Variants in SOBP observed in about 807,000 individuals in gnomAD.
The protein encoded by SOBP is sine oculis binding protein homolog.
SOBP carries 4 observed loss-of-function variants against 53.6 expected under a neutral mutation model. That is an observed-to-expected ratio of 0.07 (90% CI 0.04 to 0.17). The LOEUF (loss-of-function observed/expected upper bound fraction) is 0.17, where lower values mean the gene tolerates loss of function less well. Ranked by LOEUF, SOBP falls within the 10% of genes least tolerant of loss-of-function variation. The probability of loss-of-function intolerance (pLI) is 1.00; values close to 1 mark genes in which losing one functional copy is unlikely to be tolerated. For missense variants in SOBP, 1,088 were observed against 1,204.7 expected (o/e 0.90, Z 1.43); for synonymous variants, 584 against 522.6 (o/e 1.12, Z -1.60).
At chr6:107,508,744 T>C (rs913710356) in intron 3 of SOBP, among the ~76,000 whole-genome samples, 28 of 152,220 alleles carry the variant, frequency 1.8e-4, no homozygotes, top group Non-Finnish European at 3.5e-4. Context: ...CTTTGGTTGA[T>C]TGTTTTGTGA....
chr6:107,514,791 GT>G (rs1319521622), intron 3 of SOBP: 13 of 152,144 alleles, frequency 8.5e-5, no homozygotes, highest in African/African-American at 3.1e-4. Context: ...GACTTGTATG[GT>G]TAGTTGCTCT....
chr6:107,610,014 T>C (rs909244727), intron 5 of SOBP, among the ~76,000 whole-genome samples: 15 of 152,164 alleles, frequency 9.9e-5, no homozygotes, highest in African/African-American at 3.6e-4. Flanking sequence ...GCCCACTTCA[T>C]AGGAGCTCAT....
chr6:107,557,328 T>C (rs1036255600), intron 4 of SOBP, among the ~76,000 whole-genome samples: 1 of 152,224 alleles, frequency 6.6e-6, no homozygotes, highest in African/African-American at 2.4e-5. Flanking sequence ...AAAGATACAT[T>C]TTAAATATAT....
chr6:107,492,083 C>A lies in SOBP; in HGVS notation c.96+1371C>A, dbSNP rs1782594885. ...TGGAAGCATGAGGTGCAGCATGAGT[C>A]CAACGGAGAGTTAAGGGAGATTTGC... On this transcript the variant is annotated intron_variant, in intron 1 of 6. Coordinates refer to ENST00000317357, the MANE Select transcript of SOBP (RefSeq NM_018013.4). Among the ~76,000 whole-genome samples the A allele has an allele frequency of 1.3e-5, 2 of 152,124 alleles. 1 individual carries two copies. The highest frequency in any genetic ancestry group is 4.1e-4 in the South Asian group (2 of 4,826).
intron 5 of SOBP, among the ~76,000 whole-genome samples, chr6:107,627,371 TG>T (rs1770506321): frequency 6.6e-6 from 1 of 152,238 alleles, no homozygotes; most frequent in South Asian, 2.1e-4. Context: ...AGCCCATCTC[TG>T]CTCTGCCTTA....
chr6:107,591,560 A>G (rs1785747967), intron 5 of SOBP, among the ~76,000 whole-genome samples: 1 of 152,164 alleles, frequency 6.6e-6, no homozygotes, highest in African/African-American at 2.4e-5. Context: ...TAGCACAGGC[A>G]TGGAGGTGGG....
intron 3 of SOBP, among the ~76,000 whole-genome samples, chr6:107,530,708 T>A (rs1783797500): frequency 6.6e-6 from 1 of 152,102 alleles, no homozygotes. Flanking sequence ...CATATACCTT[T>A]ATGAAATGGA....
intron 5 of SOBP, among the ~76,000 whole-genome samples, chr6:107,610,138 A>G (rs1378883119): frequency 6.6e-6 from 1 of 152,164 alleles, no homozygotes; most frequent in Non-Finnish European, 1.5e-5. Context: ...ACAAACTTCT[A>G]TCAAGCATGC....
chr6:107,569,804 G>A (rs535037406), intron 4 of SOBP, among the ~76,000 whole-genome samples: 25 of 152,358 alleles, frequency 1.6e-4, no homozygotes, highest in Admixed American at 4.6e-4. Flanking sequence ...ATAAGTGGAG[G>A]AGAAATGCCC....
chr6:107,634,281 G>A lies in SOBP; in HGVS notation c.1437G>A (p.Pro479=). Residue 479 remains proline (P), a synonymous_variant, in exon 6 of 7, where the codon CCG becomes CCA. Coordinates refer to ENST00000317357, the MANE Select transcript of SOBP (RefSeq NM_018013.4). The surrounding 1 kb of genome is among the most constrained non-coding windows in gnomAD (Gnocchi z 4.5). ...ACCCCCCAGGCCTGCTGCCCCCGCC[G>A]CCTCCGGGCGCCCCGCTGCCGAGTC... ...PGNPPGLLPP[P]PPGAPLPSLP... is the part of the protein sequence containing the mutation. 1.3e-6 allele frequency: 2 copies of A among 1,497,958 alleles called. No homozygotes were observed. The highest frequency in any genetic ancestry group is 3.5e-4 in the Middle Eastern group (2 of 5,732). The allele number at this position is 1,497,958 out of a possible 1,614,324, so 92.8% of individuals were successfully genotyped here. A position where few individuals can be genotyped will look rare whatever the true frequency, so the allele number is the denominator to read the frequency against.
intron 4 of SOBP, among the ~76,000 whole-genome samples, chr6:107,564,562 C>T (rs1009201308): frequency 4.6e-5 from 5 of 107,744 alleles, no homozygotes; most frequent in South Asian, 7.5e-4. Flanking sequence ...CTTCCCTCCT[C>T]GTATGTTAGT....
intron 6 of SOBP, among the ~76,000 whole-genome samples, chr6:107,646,292 G>A (rs1407752289): frequency 6.6e-6 from 1 of 152,252 alleles, no homozygotes; most frequent in Non-Finnish European, 1.5e-5. Context: ...TGGGCCTAAG[G>A]AAATGTCACA....
chr6:107,614,985 T>C (rs1786733374), intron 5 of SOBP, among the ~76,000 whole-genome samples: 1 of 152,250 alleles, frequency 6.6e-6, no homozygotes, highest in African/African-American at 2.4e-5. Flanking sequence ...TGTTTCCTGA[T>C]AACTGTGTAC....
rs1230139710 is a variant in SOBP, at chr6:107,635,054, G to A, written c.2210G>A (p.Ser737Asn). ...GGCGCCGCCGCCGAGGGCGCTAAGA[G>A]CGCGGAGCCGCCTCCCGAGCAGCCG... ...TRGAAAEGAK[S>N]AEPPPEQPPP... is the part of the protein sequence containing the mutation. Residue 737 changes from serine (S) to asparagine (N), a missense_variant, in exon 6 of 7, where the codon AGC (serine) becomes AAC (asparagine). Transcript: ENST00000317357. The surrounding 1 kb of genome is among the most constrained non-coding windows in gnomAD (Gnocchi z 4.5). 4 of 1,514,434 alleles carry A rather than the reference G, an allele frequency of 2.6e-6. No individual in the cohort carries two copies. Among genetic ancestry groups the A allele is most frequent in the Admixed American group, 4.3e-5 (2 of 46,602 alleles). The allele number at this position is 1,514,434 out of a possible 1,614,324, so 93.8% of individuals were successfully genotyped here. A position where few individuals can be genotyped will look rare whatever the true frequency, so the allele number is the denominator to read the frequency against.
intron 3 of SOBP, among the ~76,000 whole-genome samples, chr6:107,533,165 CTT>C (rs755278856): frequency 6.3e-4 from 69 of 109,396 alleles, no homozygotes; most frequent in Non-Finnish European, 7.2e-4. Context: ...GCAGATGAAG[CTT>C]TTTTTTTTTT....
intron 4 of SOBP, among the ~76,000 whole-genome samples, chr6:107,550,290 G>T (rs192566825): frequency 1.3e-5 from 2 of 152,314 alleles, no homozygotes; most frequent in East Asian, 3.9e-4. Flanking sequence ...TCAGAGGATG[G>T]AACTTGTCTC....
intron 1 of SOBP, among the ~76,000 whole-genome samples, chr6:107,496,889 G>T (rs1782715892): frequency 6.6e-6 from 1 of 152,156 alleles, no homozygotes; most frequent in African/African-American, 2.4e-5. Context: ...TTTATGTCAT[G>T]ACCTTTTTCT....
chr6:107,549,871 C>T (rs575426619), intron 4 of SOBP, among the ~76,000 whole-genome samples: 1 of 152,256 alleles, frequency 6.6e-6, no homozygotes, highest in East Asian at 1.9e-4. Flanking sequence ...TAGTTAACCC[C>T]TATCACCTGC....
At chr6:107,538,096 T>C (rs1784054908) in intron 4 of SOBP, among the ~76,000 whole-genome samples, 2 of 152,170 alleles carry the variant, frequency 1.3e-5, no homozygotes, top group Non-Finnish European at 2.9e-5. Context: ...TATACAGCGA[T>C]CTCTTCTTAG....
Sources: gnomAD v4.1 joint callset for allele counts (sites outside exome capture counted in the v4.1 genomes callset) on GRCh38, gnomAD v4.1.1 for gene constraint, Gnocchi (gnomAD v3.1) non-coding constraint, MANE v1.5 for transcripts, NCBI Gene and HGNC (gene_info 2026-07-23, HGNC 2026-07-21) for gene names.